PALLD: variants seen among roughly 807,000 people sequenced by gnomAD.
PALLD encodes palladin, cytoskeletal associated protein.
In PALLD, 61 loss-of-function variants were observed where a neutral mutation model predicts 123.5. The ratio of observed to expected loss-of-function variants is 0.49; its 90% CI spans 0.40 to 0.61. The LOEUF (loss-of-function observed/expected upper bound fraction) is 0.61, where lower values mean the gene tolerates loss of function less well. PALLD is among the 20% of genes least tolerant of loss of function. The pLI is 0.00. For missense variants in PALLD, 1,273 were observed against 1,377.0 expected (o/e 0.92, Z 1.20); for synonymous variants, 465 against 496.4 (o/e 0.94, Z 0.84).
intron 10 of PALLD, among the ~76,000 whole-genome samples, chr4:168,718,165 A>G (rs1785549035): frequency 6.6e-6 from 1 of 152,224 alleles, no homozygotes; most frequent in Non-Finnish European, 1.5e-5. Context: ...ACAAAGTTGA[A>G]CATTATCCCG....
chr4:168,919,339 C>T (rs912358857), intron 17 of PALLD, among the ~76,000 whole-genome samples: 1 of 152,042 alleles, frequency 6.6e-6, no homozygotes, highest in Non-Finnish European at 1.5e-5. Context: ...GCCTGGCCAA[C>T]ATGGTGAAAC....
At chr4:168,882,501 T>C (rs963457090) in intron 10 of PALLD, among the ~76,000 whole-genome samples, 5 of 152,236 alleles carry the variant, frequency 3.3e-5, no homozygotes, top group African/African-American at 9.6e-5. Context: ...AAGTCAAGAC[T>C]GTGGTTAGAT....
At chr4:168,765,692 A>G (rs1451186854) in intron 10 of PALLD, among the ~76,000 whole-genome samples, 1 of 152,254 alleles carries the variant, frequency 6.6e-6, no homozygotes, top group Non-Finnish European at 1.5e-5. Context: ...GTAGCTTTTA[A>G]TTAATGAATT....
intron 10 of PALLD, among the ~76,000 whole-genome samples, chr4:168,799,921 C>T (rs145536353): frequency 4.6e-5 from 7 of 152,240 alleles, no homozygotes; most frequent in African/African-American, 1.7e-4. Context: ...TATTCATGCA[C>T]TTATATAGGG....
intron 2 of PALLD, among the ~76,000 whole-genome samples, chr4:168,645,301 T>C (rs1777338631): frequency 6.6e-6 from 1 of 152,158 alleles, no homozygotes; most frequent in Admixed American, 6.5e-5. Context: ...GTACCTGATA[T>C]GTATCAGTAG....
At chr4:168,922,098 T>TACACACACACACAC (rs1351389289) in intron 18 of PALLD, among the ~76,000 whole-genome samples, 1 of 107,618 alleles carries the variant, frequency 9.3e-6, no homozygotes, top group African/African-American at 3.1e-5. Context: ...TATATATATA[T>TACACACACACACAC]ATATACACAC....
chr4:168,769,149 A>C (rs187865767), intron 10 of PALLD, among the ~76,000 whole-genome samples: 1 of 152,306 alleles, frequency 6.6e-6, no homozygotes, highest in African/African-American at 2.4e-5. Context: ...GTGTGTATAG[A>C]TGACTTTTCC....
chr4:168,859,234 C>T (rs564016153), intron 10 of PALLD, among the ~76,000 whole-genome samples: 6 of 152,294 alleles, frequency 3.9e-5, no homozygotes, highest in South Asian at 2.1e-4. Flanking sequence ...TCTTTGGAGG[C>T]GACAGCTTCC....
At position 168,878,323 on chromosome 4, in the gene PALLD, C is replaced by T. The variant is rs900642927; in HGVS notation, c.1965-12599C>T. The T allele has an allele frequency of 2.6e-6, 4 of 1,524,656 alleles. No homozygotes were observed. The highest frequency in any genetic ancestry group is 2.6e-6 in the Non-Finnish European group (3 of 1,142,628). The allele number at this position is 1,524,656 out of a possible 1,614,324, so 94.4% of individuals were successfully genotyped here. On this transcript the variant is annotated intron_variant, in intron 10 of 21. Transcript: ENST00000505667. ...GCCAGACGCCCGCGGCCTTCCTCAG[C>T]GCTCTGCTGCCCTCGCAGCCGCCGC...
At chr4:168,873,737 GGTTCTGCCCTTGGA>G (rs1459168128) in intron 10 of PALLD, among the ~76,000 whole-genome samples, 1 of 152,220 alleles carries the variant, frequency 6.6e-6, no homozygotes, top group Non-Finnish European at 1.5e-5. Flanking sequence ...TTCACATCCA[GGTTCTGCCCTTGGA>G]CACATTACTT....
chr4:168,900,718 T>G (rs1282862740), intron 14 of PALLD, among the ~76,000 whole-genome samples: 1 of 152,166 alleles, frequency 6.6e-6, no homozygotes, highest in Non-Finnish European at 1.5e-5. Context: ...TAAAATGGGA[T>G]TTTTAAAATA....
chr4:168,624,452 T>G (rs1224208837), intron 2 of PALLD, among the ~76,000 whole-genome samples: 5 of 152,118 alleles, frequency 3.3e-5, no homozygotes, highest in African/African-American at 9.7e-5. Context: ...CATAATAAAA[T>G]AGATCATTCT....
chr4:168,718,131 C>T (rs900746602), intron 10 of PALLD, among the ~76,000 whole-genome samples: 3 of 152,216 alleles, frequency 2.0e-5, no homozygotes, highest in African/African-American at 4.8e-5. Context: ...TCAACTCCAA[C>T]GTGTGGCTTT....
intron 2 of PALLD, among the ~76,000 whole-genome samples, chr4:168,667,735 A>C (rs1426982512): frequency 6.6e-6 from 1 of 152,264 alleles, no homozygotes; most frequent in Non-Finnish European, 1.5e-5. Flanking sequence ...TAAGGTCAAC[A>C]AAAATATTGC....
intron 2 of PALLD, among the ~76,000 whole-genome samples, chr4:168,585,827 T>C (rs1770760902): frequency 6.6e-6 from 1 of 152,152 alleles, no homozygotes; most frequent in South Asian, 2.1e-4. Flanking sequence ...TGGGGAATCT[T>C]CTTAGTACTC....
At position 168,511,630 on chromosome 4, in the gene PALLD, T is replaced by C; in HGVS notation, c.126T>C (p.Ser42=). The change falls in exon 2 of 22, where the codon AGT becomes AGC. Residue 42 remains serine (S), a synonymous_variant. Transcript: ENST00000505667. ...TCAGCCAGGAAGAGATAAACAAGAG[T>C]CTTGACCTGGCCCGGAGAGCCATAG... The part of the protein sequence containing the change: ...AFLSQEEINK[S]LDLARRAIAD... The C allele has an allele frequency of 6.2e-7, 1 of 1,613,888 alleles. No homozygotes were observed. Among genetic ancestry groups the C allele is most frequent in the East Asian group, 2.2e-5 (1 of 44,860 alleles).
chr4:168,608,610 C>A (rs1477552295), intron 2 of PALLD, among the ~76,000 whole-genome samples: 2 of 152,196 alleles, frequency 1.3e-5, no homozygotes. Flanking sequence ...TTCTTCCTCC[C>A]CACAAACTGT....
chr4:168,726,223 TA>T (rs1373879589), intron 10 of PALLD, among the ~76,000 whole-genome samples: 4 of 152,314 alleles, frequency 2.6e-5, no homozygotes, highest in Admixed American at 6.5e-5. Context: ...AGGAATTTTT[TA>T]TTTTTACTAA....
At chr4:168,926,085 C>A in intron 21 of PALLD, 128 bp from the exon 22 acceptor site, 1 of 721,014 alleles carries the variant, frequency 1.4e-6, no homozygotes, top group Non-Finnish European at 2.1e-6. Context: ...CTAAATTTTC[C>A]ATGTTTCTAC....
Sources: gnomAD v4.1 joint callset for allele counts (sites outside exome capture counted in the v4.1 genomes callset) on GRCh38, gnomAD v4.1.1 for gene constraint, MANE v1.5 for transcripts, NCBI Gene and HGNC (gene_info 2026-07-23, HGNC 2026-07-21) for gene names.